Variants in CLIP2 observed in about 807,000 individuals in gnomAD.
CLIP2 encodes CAP-Gly domain containing linker protein 2, also known as CAP-Gly domain-containing linker protein 2.
Under a neutral mutation model 111.7 loss-of-function variants are expected in CLIP2, and 41 were observed. That is an observed-to-expected ratio of 0.37 (90% CI 0.29 to 0.48). CLIP2 has a LOEUF of 0.48. Ranked by LOEUF, CLIP2 falls within the 20% of genes least tolerant of loss-of-function variation. The pLI, the probability that CLIP2 is intolerant of heterozygous loss-of-function variation, is 0.99. For missense variants in CLIP2, 1,160 were observed against 1,422.1 expected, an observed-to-expected ratio of 0.82 and a Z score of 2.96; for synonymous variants, 660 against 644.2, an observed-to-expected ratio of 1.02 and a Z score of -0.37.
intron 11 of CLIP2, chr7:74,381,504 C>T: frequency 2.4e-6 from 1 of 417,916 alleles, no homozygotes; most frequent in South Asian, 1.7e-5. Flanking sequence ...ACTTTAAAAA[C>T]AGGTCTAAAC....
intron 2 of CLIP2, among the ~76,000 whole-genome samples, chr7:74,326,659 C>T (rs1423027610): frequency 1.5e-4 from 23 of 148,636 alleles, no homozygotes; most frequent in African/African-American, 4.5e-4. Context: ...TTTTTTGAGA[C>T]GGAATCTCTC....
chr7:74,296,200 C>T (rs540741209), intron 1 of CLIP2, among the ~76,000 whole-genome samples: 9 of 151,886 alleles, frequency 5.9e-5, no homozygotes, highest in South Asian at 2.1e-4. Context: ...GAGAGGCCTC[C>T]GAAAAAAACA....
rs73131362 is a variant in CLIP2, at chr7:74,329,516, C to T, written c.122-8932C>T. Among the ~76,000 whole-genome samples, 610 of 152,212 alleles carry T rather than the reference C, an allele frequency of 4.0e-3. 2 individuals carry two copies. The highest frequency in any genetic ancestry group is 7.4e-3 in the Non-Finnish European group (504 of 68,012). ...AGTACCCTTCACTTTGTTGAAGTTG[C>T]TGTTTCTCAAGCTTCTTTGAACTTG... On this transcript the variant is annotated intron_variant, in intron 2 of 16. Coordinates refer to ENST00000223398, the MANE Select transcript of CLIP2 (RefSeq NM_003388.5).
intron 1 of CLIP2, among the ~76,000 whole-genome samples, chr7:74,308,962 G>T (rs929755425): frequency 6.6e-5 from 10 of 151,920 alleles, no homozygotes; most frequent in African/African-American, 2.4e-4. Context: ...CAACCTCCTG[G>T]GCTGAAGCAA....
chr7:74,375,546 C>CAAAAA lies in CLIP2; in HGVS notation c.1486-318_1486-314dup, dbSNP rs34885959. On this transcript the variant is annotated intron_variant, in intron 9 of 16. Coordinates refer to ENST00000223398, the MANE Select transcript of CLIP2 (RefSeq NM_003388.5). Reference sequence around the variant, plus strand: ...CCAGCCTGCGTGACAGAGCGAGACTCAAAAAAAAAAAAAAAAAAAAAAAAA... The same window carrying CAAAAA: ...CCAGCCTGCGTGACAGAGCGAGACTCAAAAAAAAAAAAAAAAAAAAAAAAAAAAAA... Among the ~76,000 whole-genome samples, 3 of 33,180 alleles carry CAAAAA rather than the reference C, an allele frequency of 9.0e-5. 1 individual carries two copies. Among genetic ancestry groups the CAAAAA allele is most frequent in the Non-Finnish European group, 1.5e-4 (3 of 20,368 alleles). The allele number at this position is 33,180 out of a possible 152,430, so 21.8% of individuals were successfully genotyped here.
At chr7:74,345,703 C>T (rs1355700786) in intron 3 of CLIP2, among the ~76,000 whole-genome samples, 2 of 151,304 alleles carry the variant, frequency 1.3e-5, no homozygotes, top group African/African-American at 2.4e-5. Flanking sequence ...AAAAATTAGC[C>T]GGGCATGGTG....
At chr7:74,332,736 G>A (rs1211307285) in intron 2 of CLIP2, among the ~76,000 whole-genome samples, 4 of 152,086 alleles carry the variant, frequency 2.6e-5, no homozygotes, top group South Asian at 2.1e-4. Flanking sequence ...CCTCCCTCCC[G>A]CTCCCCCGGG....
intron 3 of CLIP2, among the ~76,000 whole-genome samples, chr7:74,347,376 C>T (rs1185685899): frequency 6.6e-6 from 1 of 152,208 alleles, no homozygotes; most frequent in Non-Finnish European, 1.5e-5. Context: ...TCACGCCATT[C>T]TCCTGCCTCA....
At chr7:74,375,782 G>T in intron 9 of CLIP2, 105 bp from the exon 10 acceptor site, 1 of 923,064 alleles carries the variant, frequency 1.1e-6, no homozygotes, top group Non-Finnish European at 1.6e-6. Flanking sequence ...GCTGGGGCTG[G>T]TGCCCTCGAA....
At chr7:74,370,042 C>G (rs1199582926) in intron 8 of CLIP2, among the ~76,000 whole-genome samples, 1 of 76,026 alleles carries the variant, frequency 1.3e-5, no homozygotes, top group African/African-American at 3.7e-5. Context: ...CCTGTAATTC[C>G]AGCTACTCGG....
intron 3 of CLIP2, among the ~76,000 whole-genome samples, chr7:74,348,559 G>T (rs1350156297): frequency 6.6e-6 from 1 of 152,044 alleles, no homozygotes; most frequent in African/African-American, 2.4e-5. Flanking sequence ...GGAGGCCGAG[G>T]CAGGTGAATC....
chr7:74,336,605 C>T (rs1195520598), intron 2 of CLIP2, among the ~76,000 whole-genome samples: 1 of 152,024 alleles, frequency 6.6e-6, no homozygotes, highest in African/African-American at 2.4e-5. Context: ...ATTAAGCTCC[C>T]ACTGGGTACC....
intron 4 of CLIP2, among the ~76,000 whole-genome samples, chr7:74,354,728 G>A (rs140277718): frequency 6.6e-6 from 1 of 151,970 alleles, no homozygotes; most frequent in African/African-American, 2.4e-5. Flanking sequence ...CTGAGATCAC[G>A]CCATTGCATT....
chr7:74,290,400 CCCGGGGAGGGGCGGCGG>C (rs1787981742), intron 1 of CLIP2, among the ~76,000 whole-genome samples: 1 of 152,172 alleles, frequency 6.6e-6, no homozygotes, highest in African/African-American at 2.4e-5. Context: ...CTGCCCTCCT[CCCGGGGAGGGGCGGCGG>C]CCGCGGAGGA....
chr7:74,348,632 A>G (rs1418538081), intron 3 of CLIP2, among the ~76,000 whole-genome samples: 2 of 151,962 alleles, frequency 1.3e-5, no homozygotes, highest in East Asian at 3.9e-4. Flanking sequence ...TACTAAAAAT[A>G]CAAAAAAATT....
At chr7:74,303,519 T>C (rs1316183428) in intron 1 of CLIP2, among the ~76,000 whole-genome samples, 1 of 151,536 alleles carries the variant, frequency 6.6e-6, no homozygotes, top group Non-Finnish European at 1.5e-5. Context: ...TTTGGGGTCC[T>C]CTCTGTTGGG....
intron 6 of CLIP2, among the ~76,000 whole-genome samples, chr7:74,359,112 TGCCACCAC>T (rs1790239149): frequency 6.6e-6 from 1 of 151,082 alleles, no homozygotes; most frequent in Non-Finnish European, 1.5e-5. Context: ...TACAGGTGTG[TGCCACCAC>T]GCCCAGCTAA....
chr7:74,358,658 C>T (rs111926415), intron 6 of CLIP2, among the ~76,000 whole-genome samples: 98 of 151,714 alleles, frequency 6.5e-4, no homozygotes, highest in African/African-American at 2.2e-3. Flanking sequence ...CATAGCTCCA[C>T]TCCTGGGTTC....
intron 15 of CLIP2, 54 bp from the exon 16 acceptor site, chr7:74,401,451 A>G: frequency 2.5e-6 from 4 of 1,574,242 alleles, no homozygotes; most frequent in Non-Finnish European, 3.5e-6. Flanking sequence ...TAGTGGGAAA[A>G]TCGGGAACTG....
Sources: gnomAD v4.1 joint callset for allele counts (sites outside exome capture counted in the v4.1 genomes callset) on GRCh38, gnomAD v4.1.1 for gene constraint, MANE v1.5 for transcripts, NCBI Gene and HGNC (gene_info 2026-07-23, HGNC 2026-07-21) for gene names.